Variants in C2CD5 observed in about 807,000 individuals in gnomAD.
C2CD5 encodes C2 domain-containing protein 5.
C2CD5 carries 109 observed loss-of-function variants against 130.3 expected under a neutral mutation model. The observed-to-expected ratio is 0.84, with a 90% confidence interval of 0.72 to 0.98. C2CD5 has a LOEUF of 0.98. Among genes scored for constraint, C2CD5 ranks in the 50% least tolerant of loss-of-function variants. The probability of loss-of-function intolerance (pLI) is 0.00; values close to 1 mark genes in which losing one functional copy is unlikely to be tolerated. For synonymous variants in C2CD5, 454 were observed against 429.2 expected (o/e 1.06, Z -0.71); for missense variants, 996 against 1,261.8 (o/e 0.79, Z 3.19).
chr12:22,500,790 T>G (rs1360112502), intron 10 of C2CD5, among the ~76,000 whole-genome samples: 1 of 151,686 alleles, frequency 6.6e-6, no homozygotes, highest in Non-Finnish European at 1.5e-5. Flanking sequence ...TAATAATTAA[T>G]AAGTATATTT....
chr12:22,530,606 C>T (rs1200516306), intron 3 of C2CD5, among the ~76,000 whole-genome samples: 1 of 151,794 alleles, frequency 6.6e-6, no homozygotes, highest in Non-Finnish European at 1.5e-5. Flanking sequence ...TACAGGTTCA[C>T]ACCACCACAC....
intron 7 of C2CD5, among the ~76,000 whole-genome samples, chr12:22,521,906 C>T (rs574068245): frequency 1.2e-4 from 19 of 152,132 alleles, no homozygotes; most frequent in African/African-American, 4.3e-4. Context: ...ACTATGATAC[C>T]TTTCTATTCA....
chr12:22,480,309 T>C (rs1944523167), intron 14 of C2CD5, among the ~76,000 whole-genome samples: 1 of 152,218 alleles, frequency 6.6e-6, no homozygotes, highest in Non-Finnish European at 1.5e-5. Flanking sequence ...TTTCTCCTCC[T>C]GTAAAGTGAA....
intron 10 of C2CD5, among the ~76,000 whole-genome samples, chr12:22,496,418 CAG>C (rs1947022705): frequency 6.6e-6 from 1 of 151,884 alleles, no homozygotes; most frequent in South Asian, 2.1e-4. Context: ...TAAATGCAAA[CAG>C]AGTCTAGCTT....
At chr12:22,506,511 G>T (rs1043061516) in intron 10 of C2CD5, among the ~76,000 whole-genome samples, 200 bp downstream of exon 10, 5 of 151,954 alleles carry the variant, frequency 3.3e-5, no homozygotes, top group African/African-American at 7.3e-5. Context: ...AAATCAATTG[G>T]TTTTTTACAG....
chr12:22,475,012 GT>G lies in C2CD5; in HGVS notation c.1903-122del, dbSNP rs137991941. Reference sequence around the variant, plus strand: ...AAGCCTGTAAAATATACTCAGTGAAGTCCGTACTTAAGTATAACCTTTAAAA... The same window carrying G: ...AAGCCTGTAAAATATACTCAGTGAAGCCGTACTTAAGTATAACCTTTAAAA... On this transcript the variant is annotated intron_variant, in intron 15 of 26. Transcript: ENST00000446597. The G allele has an allele frequency of 3.9e-4, 223 of 571,530 alleles. 1 individual carries two copies. The African/African-American group carries it at 4.1e-3, about 10-fold the overall frequency. The allele number at this position is 571,530 out of a possible 1,614,324, so 35.4% of individuals were successfully genotyped here.
rs759797323 is a variant in C2CD5, at chr12:22,482,616, C to T, written c.1678G>A (p.Ala560Thr). The T allele has an allele frequency of 4.3e-6, 7 of 1,613,166 alleles. No homozygotes were observed. Among genetic ancestry groups the T allele is most frequent in the Non-Finnish European group, 5.9e-6 (7 of 1,179,344 alleles). Residue 560 changes from alanine (A) to threonine (T), a missense_variant, in exon 14 of 27, where the codon GCT (alanine) becomes ACT (threonine). Physicochemically the swap from Ala to Thr is moderately conservative, Grantham distance 58 (BLOSUM62 0). Around this residue, in one of 9 missense-constraint regions of C2CD5, gnomAD observed 590 missense variants for 631.4 expected, o/e 0.93. Transcript: ENST00000446597. ...ATCTGAATTCTTAGTCCAAACAAAG[C>T]ATTCATTCCTTTGAGTTTTAGTTTA... The part of the protein sequence containing the change: ...MNKLKLKGMN[A>T]LFGLRIQITV...
intron 6 of C2CD5, among the ~76,000 whole-genome samples, chr12:22,523,953 C>T (rs920671826): frequency 1.3e-5 from 2 of 151,660 alleles, no homozygotes; most frequent in Non-Finnish European, 2.9e-5. Flanking sequence ...ACACATATAA[C>T]TCTTAATATA....
At chr12:22,511,319 C>A (rs2136831490) in intron 9 of C2CD5, among the ~76,000 whole-genome samples, 1 of 152,120 alleles carries the variant, frequency 6.6e-6, no homozygotes, top group Non-Finnish European at 1.5e-5. Flanking sequence ...AGAATTAAGT[C>A]ATATCTGAAC....
chr12:22,465,405 T>G (rs1204522049), intron 22 of C2CD5, among the ~76,000 whole-genome samples: 1 of 152,172 alleles, frequency 6.6e-6, no homozygotes, highest in African/African-American at 2.4e-5. Context: ...TTTTAAGAAC[T>G]TGAAATATAT....
At chr12:22,486,635 TC>T (rs1945565764) in intron 12 of C2CD5, among the ~76,000 whole-genome samples, 1 of 152,138 alleles carries the variant, frequency 6.6e-6, no homozygotes, top group Non-Finnish European at 1.5e-5. Flanking sequence ...CTCTCTAACA[TC>T]CTATACAAAT....
chr12:22,539,861 G>T (rs1042475802), intron 2 of C2CD5, among the ~76,000 whole-genome samples: 5 of 152,018 alleles, frequency 3.3e-5, no homozygotes, highest in African/African-American at 1.2e-4. Context: ...AGGCATGGTG[G>T]TGCACTGGTA....
intron 14 of C2CD5, among the ~76,000 whole-genome samples, chr12:22,480,023 T>C (rs768324489): frequency 4.0e-4 from 61 of 152,218 alleles, no homozygotes; most frequent in Non-Finnish European, 5.4e-4. Context: ...GTAGATAAAA[T>C]TGTTCCTCAA....
Position 22,484,677 on chromosome 12 carries a change from T to C in C2CD5, c.1550+20A>G, listed in dbSNP as rs546687820. ...CTCATACTTTTTCAGGGACACCGAGTGTTGTTTTCACAAACATACCTTGCT... is the reference window on the plus strand; with the variant it reads ...CTCATACTTTTTCAGGGACACCGAGCGTTGTTTTCACAAACATACCTTGCT... On this transcript the variant is annotated intron_variant, in intron 13 of 26. Coordinates refer to ENST00000446597, the MANE Select transcript of C2CD5 (RefSeq NM_001286176.2). 4.2e-6 allele frequency: 6 copies of C among 1,422,134 alleles called. No individual in the cohort carries two copies. In the East Asian group the frequency reaches 1.5e-4, roughly 36 times the overall value. 88.1% of individuals were successfully genotyped at this position (1,422,134 alleles called of 1,614,324 possible). A position where few individuals can be genotyped will look rare whatever the true frequency, so the allele number is the denominator to read the frequency against.
chr12:22,467,194 C>G (rs1185184766), intron 22 of C2CD5, among the ~76,000 whole-genome samples: 1 of 151,942 alleles, frequency 6.6e-6, no homozygotes, highest in East Asian at 1.9e-4. Flanking sequence ...TTTTTTGAGA[C>G]AGCGTCACTC....
At chr12:22,510,352 T>C (rs1949050645) in intron 9 of C2CD5, among the ~76,000 whole-genome samples, 1 of 152,196 alleles carries the variant, frequency 6.6e-6, no homozygotes, top group Non-Finnish European at 1.5e-5. Context: ...GGTACCTAGA[T>C]AAAGTTACAT....
chr12:22,493,250 A>T lies in C2CD5; in HGVS notation c.1235T>A (p.Val412Glu). ...HAKALGCHAVVGYSESTSICE... is the reference protein window; with the variant it reads ...HAKALGCHAVEGYSESTSICE... ...GATGCTAGTTGATTCACTGTAGCCC[A>T]CTACAGCATGACAGCCTAATGCTTT... Residue 412 changes from valine (V) to glutamate (E), a missense_variant, in exon 11 of 27, where the codon GTG (valine) becomes GAG (glutamate). By Grantham distance (121) the Val-to-Glu change is moderately radical (BLOSUM62 -2). Around this residue, in one of 9 missense-constraint regions of C2CD5, gnomAD observed 590 missense variants for 631.4 expected, o/e 0.93. Coordinates refer to ENST00000446597, the MANE Select transcript of C2CD5 (RefSeq NM_001286176.2). 1 of 1,605,634 alleles carries T rather than the reference A, an allele frequency of 6.2e-7. No homozygotes were observed. The highest frequency in any genetic ancestry group is 8.5e-7 in the Non-Finnish European group (1 of 1,173,000).
At chr12:22,459,779 C>CA (rs1490244830) in intron 22 of C2CD5, among the ~76,000 whole-genome samples, 1 of 152,010 alleles carries the variant, frequency 6.6e-6, no homozygotes, top group Non-Finnish European at 1.5e-5. Flanking sequence ...TACTGTAACA[C>CA]AAAAAGAGTT....
intron 7 of C2CD5, among the ~76,000 whole-genome samples, chr12:22,523,110 C>T (rs561417735): frequency 2.0e-5 from 3 of 151,948 alleles, no homozygotes; most frequent in Admixed American, 6.6e-5. Context: ...GCTACTCAGG[C>T]GGCTGAGGTG....
Sources: allele counts gnomAD v4.1 joint callset (sites outside exome capture counted in the v4.1 genomes callset), GRCh38; gene constraint gnomAD v4.1.1; regional missense constraint gnomAD v4.1.1; transcripts MANE v1.5; gene names NCBI Gene and HGNC (gene_info 2026-07-23, HGNC 2026-07-21).